Variants in SOBP observed in about 807,000 individuals in gnomAD.
The protein encoded by SOBP is sine oculis-binding protein homolog.
In SOBP, 4 loss-of-function variants were observed where a neutral mutation model predicts 53.6. That is an observed-to-expected ratio of 0.07 (90% confidence interval 0.04 to 0.17). The LOEUF (loss-of-function observed/expected upper bound fraction) is 0.17. Ranked by LOEUF, SOBP falls within the 10% of genes least tolerant of loss-of-function variation. The probability of loss-of-function intolerance (pLI) is 1.00; values close to 1 mark genes in which losing one functional copy is unlikely to be tolerated. For synonymous variants in SOBP, 584 were observed against 522.6 expected, an observed-to-expected ratio of 1.12 and a Z score of -1.60; for missense variants, 1,088 against 1,204.7, an observed-to-expected ratio of 0.90 and a Z score of 1.43.
chr6:107,547,920 A>T (rs1294682392), intron 4 of SOBP, among the ~76,000 whole-genome samples: 1 of 152,220 alleles, frequency 6.6e-6, no homozygotes, highest in Non-Finnish European at 1.5e-5. Context: ...TGCACTGCAC[A>T]GCTGATAAGG....
chr6:107,619,968 G>A (rs1354868941), intron 5 of SOBP, among the ~76,000 whole-genome samples: 1 of 152,148 alleles, frequency 6.6e-6, no homozygotes, highest in East Asian at 1.9e-4. Context: ...TTATGGTAAG[G>A]ATTAAATCTG....
At chr6:107,628,282 G>A (rs1011971556) in intron 5 of SOBP, among the ~76,000 whole-genome samples, 7 of 152,220 alleles carry the variant, frequency 4.6e-5, no homozygotes, top group Admixed American at 3.9e-4. Context: ...TTTCAGGATG[G>A]TGGGCAGCTG....
chr6:107,598,901 A>T (rs1202101773), intron 5 of SOBP, among the ~76,000 whole-genome samples: 1 of 152,262 alleles, frequency 6.6e-6, no homozygotes, highest in Non-Finnish European at 1.5e-5. Flanking sequence ...AACAGTCTTA[A>T]GTAGCTAGTT....
chr6:107,491,963 T>C (rs947971289), intron 1 of SOBP, among the ~76,000 whole-genome samples: 9 of 152,230 alleles, frequency 5.9e-5, no homozygotes, highest in African/African-American at 2.2e-4. Context: ...TATGCGTACC[T>C]AGGTGCATAT....
At chr6:107,656,313 A>AAGACAGAAAGACAGAAAGAC (rs879769368) in intron 6 of SOBP, among the ~76,000 whole-genome samples, 2 of 44,072 alleles carry the variant, frequency 4.5e-5, no homozygotes, top group African/African-American at 1.3e-4. Flanking sequence ...GAAAGAAAGA[A>AAGACAGAAAGACAGAAAGAC]AGAAAGAAAG....
At chr6:107,539,682 T>C (rs1275292647) in intron 4 of SOBP, among the ~76,000 whole-genome samples, 1 of 152,174 alleles carries the variant, frequency 6.6e-6, no homozygotes, top group African/African-American at 2.4e-5. Context: ...GACTGTCTGT[T>C]TGGGCAGTGG....
intron 4 of SOBP, among the ~76,000 whole-genome samples, chr6:107,585,624 C>G (rs1785541847): frequency 6.6e-6 from 1 of 152,082 alleles, no homozygotes; most frequent in Non-Finnish European, 1.5e-5. Context: ...AAAAAGGCAC[C>G]AAGCATGAGG....
At chr6:107,563,082 CCT>C (rs1286481892) in intron 4 of SOBP, among the ~76,000 whole-genome samples, 1 of 151,826 alleles carries the variant, frequency 6.6e-6, no homozygotes, top group African/African-American at 2.4e-5. Context: ...AAACTGAGAC[CCT>C]GTCTCTACAA....
chr6:107,517,140 A>G (rs1352503074), intron 3 of SOBP, among the ~76,000 whole-genome samples: 1 of 152,226 alleles, frequency 6.6e-6, no homozygotes, highest in African/African-American at 2.4e-5. Flanking sequence ...AATAATTATG[A>G]TAGTAGGCAA....
chr6:107,648,530 T>G lies in SOBP; in HGVS notation c.*4-9677T>G, dbSNP rs1185930584. ...GATGAGACTTGATGAAAATGTGTGG[T>G]TTTTTTTTTTTCTTATGAAAAACTT... On this transcript the variant is annotated intron_variant, in intron 6 of 6. Coordinates refer to ENST00000317357, the MANE Select transcript of SOBP (RefSeq NM_018013.4). Among the ~76,000 whole-genome samples, 10 of 110,980 alleles carry G rather than the reference T, an allele frequency of 9.0e-5. No individual in the cohort carries two copies. The Middle Eastern group carries it at 0.014, about 151-fold the overall frequency. The allele number at this position is 110,980 out of a possible 152,430, so 72.8% of individuals were successfully genotyped here.
At chr6:107,551,371 TTTA>T (rs1219999779) in intron 4 of SOBP, among the ~76,000 whole-genome samples, 2 of 150,666 alleles carry the variant, frequency 1.3e-5, no homozygotes, top group Admixed American at 1.3e-4. Flanking sequence ...CAAGCTTTTA[TTTA>T]TTATGAACCA....
At chr6:107,577,470 T>C (rs1785264771) in intron 4 of SOBP, among the ~76,000 whole-genome samples, 1 of 152,220 alleles carries the variant, frequency 6.6e-6, no homozygotes, top group African/African-American at 2.4e-5. Flanking sequence ...CACTGATTGG[T>C]CCAGGGATAT....
At chr6:107,586,743 G>GT (rs1785580780) in intron 4 of SOBP, among the ~76,000 whole-genome samples, 1 of 152,084 alleles carries the variant, frequency 6.6e-6, no homozygotes, top group African/African-American at 2.4e-5. Context: ...GTTTAAACAC[G>GT]TATGTATGTC....
intron 5 of SOBP, among the ~76,000 whole-genome samples, chr6:107,607,673 T>C (rs1484151260): frequency 1.3e-5 from 2 of 152,116 alleles, no homozygotes; most frequent in Admixed American, 1.3e-4. Flanking sequence ...TGTGTGCATG[T>C]GAGGAGTATG....
chr6:107,505,815 T>C (rs995258942), intron 2 of SOBP, among the ~76,000 whole-genome samples: 11 of 151,694 alleles, frequency 7.3e-5, no homozygotes, highest in African/African-American at 2.7e-4. Context: ...CATGCCCGGC[T>C]AAGTTTTGTA....
chr6:107,579,589 G>A lies in SOBP; in HGVS notation c.574-7491G>A, dbSNP rs72945633. Among the ~76,000 whole-genome samples, 660 of 152,192 alleles carry A rather than the reference G, an allele frequency of 4.3e-3. 2 individuals are homozygous for A. The Middle Eastern group carries it at 0.048, about 11-fold the overall frequency. On this transcript the variant is annotated intron_variant, in intron 4 of 6. Coordinates refer to ENST00000317357, the MANE Select transcript of SOBP (RefSeq NM_018013.4). ...TGGAATCTGTTGCCATAACTGTCACGCAATCCATTAGGGCCCCTGAGTAAA... is the reference window on the plus strand; with the variant it reads ...TGGAATCTGTTGCCATAACTGTCACACAATCCATTAGGGCCCCTGAGTAAA...
chr6:107,564,328 C>T (rs1050535547), intron 4 of SOBP, among the ~76,000 whole-genome samples: 2 of 152,200 alleles, frequency 1.3e-5, no homozygotes, highest in Non-Finnish European at 2.9e-5. Flanking sequence ...AAGGTGCTCT[C>T]CTTCCATAAA....
intron 5 of SOBP, among the ~76,000 whole-genome samples, chr6:107,598,299 A>T (rs1314316501): frequency 6.6e-6 from 1 of 152,228 alleles, no homozygotes; most frequent in Admixed American, 6.5e-5. Flanking sequence ...TATGTGTGCA[A>T]TAAGGAAGTA....
intron 6 of SOBP, among the ~76,000 whole-genome samples, chr6:107,656,821 G>A (rs1772089045): frequency 6.6e-6 from 1 of 151,990 alleles, no homozygotes; most frequent in African/African-American, 2.4e-5. Context: ...TTATCTCTGG[G>A]GTCCCTTCAA....
Sources: allele counts gnomAD v4.1 joint callset (sites outside exome capture counted in the v4.1 genomes callset), GRCh38; gene constraint gnomAD v4.1.1; transcripts MANE v1.5; gene names NCBI Gene and HGNC (gene_info 2026-07-23, HGNC 2026-07-21).